Variants in CA10 observed in about 807,000 individuals in gnomAD.
CA10 encodes the protein carbonic anhydrase-related protein 10.
CA10 carries 14 observed loss-of-function variants against 44.2 expected under a neutral mutation model. The ratio of observed to expected loss-of-function variants is 0.32; its 90% CI spans 0.21 to 0.50. The LOEUF (loss-of-function observed/expected upper bound fraction) is 0.50. Among genes scored for constraint, CA10 ranks in the 20% least tolerant of loss-of-function variants. The pLI is 0.99. For synonymous variants in CA10, 159 were observed against 141.6 expected (o/e 1.12, Z -0.87); for missense variants, 350 against 409.7 (o/e 0.85, Z 1.26).
chr17:51,813,213 G>C (rs1031522265), intron 3 of CA10, among the ~76,000 whole-genome samples: 5 of 152,214 alleles, frequency 3.3e-5, no homozygotes. Context: ...CACATTAATA[G>C]TCCAGGTAAT....
chr17:51,702,843 C>T (rs1915645641), intron 4 of CA10, among the ~76,000 whole-genome samples: 1 of 152,218 alleles, frequency 6.6e-6, no homozygotes, highest in South Asian at 2.1e-4. Context: ...TTCCTATAAC[C>T]TCTCCTTCCT....
intron 1 of CA10, among the ~76,000 whole-genome samples, chr17:52,117,415 A>T (rs1988921412): frequency 1.3e-5 from 2 of 152,234 alleles, no homozygotes; most frequent in African/African-American, 4.8e-5. Context: ...AAAGGGCTCC[A>T]TCCTGAGGCA....
intron 3 of CA10, among the ~76,000 whole-genome samples, chr17:51,779,895 A>T (rs988573341): frequency 6.6e-6 from 1 of 152,150 alleles, no homozygotes; most frequent in Non-Finnish European, 1.5e-5. Context: ...CGGTTGGATG[A>T]TGGTGGGCAC....
At chr17:52,066,414 G>T (rs904965720) in intron 2 of CA10, among the ~76,000 whole-genome samples, 2 of 152,180 alleles carry the variant, frequency 1.3e-5, no homozygotes, top group East Asian at 1.9e-4. Flanking sequence ...ACCTTGAATT[G>T]TAATAATCTC....
intron 2 of CA10, among the ~76,000 whole-genome samples, chr17:51,953,882 C>A (rs1375784868): frequency 6.6e-6 from 1 of 152,046 alleles, no homozygotes; most frequent in African/African-American, 2.4e-5. Context: ...AACTGAATTA[C>A]AAAACTTCAG....
At chr17:51,849,895 G>A (rs2143821221) in intron 3 of CA10, among the ~76,000 whole-genome samples, 1 of 152,250 alleles carries the variant, frequency 6.6e-6, no homozygotes, top group South Asian at 2.1e-4. Flanking sequence ...AGTTGAATAT[G>A]GGATGTGAAT....
In CA10 at chr17:51,908,745, C is replaced by T. The variant is rs150562078; in HGVS notation, c.279+22245G>A. Among the ~76,000 whole-genome samples, 3 of 152,240 alleles carry T rather than the reference C, an allele frequency of 2.0e-5. No individual in the cohort carries two copies. The East Asian group carries it at 5.8e-4, about 29-fold the overall frequency. On this transcript the variant is annotated intron_variant, in intron 3 of 8. Coordinates refer to ENST00000451037, the MANE Select transcript of CA10 (RefSeq NM_020178.5). ...AAGCCAGTTCAGATAAGGAATGATG[C>T]TATATCTTCCAAATGACTCCTGTCG...
chr17:52,019,046 A>G (rs959889261), intron 2 of CA10, among the ~76,000 whole-genome samples: 17 of 152,056 alleles, frequency 1.1e-4, no homozygotes, highest in Admixed American at 8.5e-4. Flanking sequence ...TTCCACCATG[A>G]TTGGAAGCTT....
chr17:52,011,399 G>A (rs1038656817), intron 2 of CA10, among the ~76,000 whole-genome samples: 1 of 151,720 alleles, frequency 6.6e-6, no homozygotes, highest in Non-Finnish European at 1.5e-5. Flanking sequence ...AATAATTAGG[G>A]CAATTTAAAA....
intron 4 of CA10, among the ~76,000 whole-genome samples, chr17:51,731,229 T>C (rs1916705174): frequency 6.6e-6 from 1 of 152,064 alleles, no homozygotes; most frequent in South Asian, 2.1e-4. Flanking sequence ...ATACAAAAAT[T>C]AGCTGGGCAT....
chr17:51,827,707 T>C (rs1908080445), intron 3 of CA10, among the ~76,000 whole-genome samples: 1 of 152,232 alleles, frequency 6.6e-6, no homozygotes, highest in Admixed American at 6.5e-5. Flanking sequence ...TAACACATCC[T>C]ATGGGCTCTG....
intron 2 of CA10, among the ~76,000 whole-genome samples, chr17:51,969,053 A>G (rs1166441231): frequency 6.6e-6 from 1 of 151,998 alleles, no homozygotes; most frequent in Admixed American, 6.6e-5. Flanking sequence ...GAGCTTTGAT[A>G]AGAAAGAAAA....
At chr17:51,785,214 G>T (rs1402122462) in intron 3 of CA10, among the ~76,000 whole-genome samples, 1 of 152,114 alleles carries the variant, frequency 6.6e-6, no homozygotes, top group Admixed American at 6.5e-5. Context: ...CTTGGCTATT[G>T]TGAACAGAGC....
chr17:51,953,455 GTT>G (rs761590303), intron 2 of CA10, among the ~76,000 whole-genome samples: 2 of 139,788 alleles, frequency 1.4e-5, no homozygotes, highest in African/African-American at 2.6e-5. Flanking sequence ...GGATATTTTT[GTT>G]TTTTTTTTTT....
At chr17:51,805,619 A>G (rs1164120581) in intron 3 of CA10, among the ~76,000 whole-genome samples, 1 of 152,240 alleles carries the variant, frequency 6.6e-6, no homozygotes, top group Non-Finnish European at 1.5e-5. Context: ...TTTATTGAAG[A>G]ATAATTTACA....
At chr17:52,046,130 T>A (rs965218886) in intron 2 of CA10, among the ~76,000 whole-genome samples, 1 of 151,664 alleles carries the variant, frequency 6.6e-6, no homozygotes, top group African/African-American at 2.4e-5. Flanking sequence ...AAATAATGCA[T>A]GCAAGGTTTT....
chr17:51,739,642 A>G (rs1904377890), intron 4 of CA10, among the ~76,000 whole-genome samples: 1 of 152,128 alleles, frequency 6.6e-6, no homozygotes, highest in South Asian at 2.1e-4. Flanking sequence ...TGACTATCCA[A>G]TACTGGCAAT....
At chr17:51,837,651 A>G (rs1978291761) in intron 3 of CA10, among the ~76,000 whole-genome samples, 1 of 152,218 alleles carries the variant, frequency 6.6e-6, no homozygotes, top group Non-Finnish European at 1.5e-5. Context: ...TTCATCAGAG[A>G]GTGCCTTTTG....
intron 2 of CA10, among the ~76,000 whole-genome samples, chr17:52,045,632 A>C (rs1986892604): frequency 6.6e-6 from 1 of 152,042 alleles, no homozygotes; most frequent in Non-Finnish European, 1.5e-5. Context: ...GAACTGAAAG[A>C]AGAAATATGC....
Sources: gnomAD v4.1 joint callset for allele counts (sites outside exome capture counted in the v4.1 genomes callset) on GRCh38, gnomAD v4.1.1 for gene constraint, MANE v1.5 for transcripts, NCBI Gene and HGNC (gene_info 2026-07-23, HGNC 2026-07-21) for gene names.